The following FARP1 variants were observed in gnomAD, a reference collection of about 807,000 sequenced individuals.
The protein encoded by FARP1 is FERM, ARHGEF and pleckstrin domain-containing protein 1.
A neutral mutation model predicts 128.8 loss-of-function variants in FARP1; 52 were observed. The ratio of observed to expected loss-of-function variants is 0.40; its 90% CI spans 0.32 to 0.51. The LOEUF (loss-of-function observed/expected upper bound fraction) is 0.51. Ranked by LOEUF, FARP1 falls within the 20% of genes least tolerant of loss-of-function variation. The pLI is 0.45. For missense variants in FARP1, 1,333 were observed against 1,367.9 expected (o/e 0.97, Z 0.40); for synonymous variants, 580 against 551.8 (o/e 1.05, Z -0.72).
chr13:98,178,189 ATTTTT>A (rs57310501), intron 1 of FARP1, among the ~76,000 whole-genome samples: 110 of 112,962 alleles, frequency 9.7e-4, no homozygotes, highest in Middle Eastern at 4.6e-3. Context: ...ATCATTTTTA[ATTTTT>A]TTTTTTTTTT....
intron 2 of FARP1, among the ~76,000 whole-genome samples, chr13:98,268,687 C>T (rs1488109303): frequency 2.6e-5 from 4 of 151,766 alleles, no homozygotes; most frequent in Admixed American, 6.6e-5. Flanking sequence ...AGGATGGTCT[C>T]GAACTTCTGA....
rs1320182768 is a variant in FARP1 at position 98,435,695 on chromosome 13, G to A, written c.2263G>A (p.Val755Ile). ...TTTGATTGGCATTGACAATCTTGTGGTTCCGGGAAGGGTAAGCAGCAGTGG... is the reference window on the plus strand; with the variant it reads ...TTTGATTGGCATTGACAATCTTGTGATTCCGGGAAGGGTAAGCAGCAGTGG... Reference protein sequence around the residue: ...KDLIGIDNLVVPGREFIRLGS... With the variant: ...KDLIGIDNLVIPGREFIRLGS... The change falls in exon 19 of 27, where the codon GTT becomes ATT. Residue 755 changes from valine to isoleucine, a missense_variant. Physicochemically the swap from Val to Ile is conservative, Grantham distance 29. Transcript: ENST00000319562. 6.2e-7 allele frequency: 1 copy of A among 1,614,162 alleles called. No homozygotes were observed. Among genetic ancestry groups the A allele is most frequent in the South Asian group, 1.1e-5 (1 of 91,088 alleles).
chr13:98,417,780 G>C (rs1891444639), intron 16 of FARP1, among the ~76,000 whole-genome samples: 1 of 152,156 alleles, frequency 6.6e-6, no homozygotes, highest in South Asian at 2.1e-4. Flanking sequence ...AGATGACTAA[G>C]GTCAGAAAAT....
At chr13:98,384,584 C>T (rs600644) in intron 6 of FARP1, 146 bp from the exon 7 acceptor site, 107,988 of 614,706 alleles carry the variant, frequency 0.18, 10,004 homozygotes, top group East Asian at 0.27. Flanking sequence ...GGCATCCCGT[C>T]TCTGAGATCT....
chr13:98,245,359 G>A (rs1331455124), intron 2 of FARP1: 10 of 985,106 alleles, frequency 1.0e-5, no homozygotes, highest in Non-Finnish European at 1.2e-6. Flanking sequence ...GTTTATGTGA[G>A]AACAGTTGAT....
At chr13:98,184,343 C>T (rs1227722211) in intron 1 of FARP1, among the ~76,000 whole-genome samples, 1 of 152,106 alleles carries the variant, frequency 6.6e-6, no homozygotes, top group Non-Finnish European at 1.5e-5. Flanking sequence ...CTTTCGAACT[C>T]GTGACTTCAG....
intron 1 of FARP1, among the ~76,000 whole-genome samples, chr13:98,197,697 C>T (rs1196536946): frequency 7.3e-5 from 11 of 151,446 alleles, no homozygotes; most frequent in South Asian, 4.2e-4. Context: ...TGCAGTGGCG[C>T]GATCTAGGCT....
intron 1 of FARP1, among the ~76,000 whole-genome samples, chr13:98,160,305 G>A (rs1429758656): frequency 2.0e-5 from 3 of 152,194 alleles, no homozygotes; most frequent in Non-Finnish European, 4.4e-5. Context: ...AGGCGTGATG[G>A]TGGGGCCTGG....
intron 2 of FARP1, among the ~76,000 whole-genome samples, chr13:98,246,649 T>A (rs1883085267): frequency 1.3e-5 from 2 of 152,018 alleles, no homozygotes; most frequent in Admixed American, 1.3e-4. Context: ...AAGCTCAAAG[T>A]TCTTAGTCCT....
At chr13:98,306,543 C>T (rs1886168741) in intron 2 of FARP1, among the ~76,000 whole-genome samples, 1 of 151,484 alleles carries the variant, frequency 6.6e-6, no homozygotes, top group Non-Finnish European at 1.5e-5. Flanking sequence ...GAGAAAGGAT[C>T]TCACTCTGTT....
chr13:98,335,049 T>G (rs1436323795), intron 2 of FARP1, among the ~76,000 whole-genome samples: 1 of 152,228 alleles, frequency 6.6e-6, no homozygotes, highest in Non-Finnish European at 1.5e-5. Context: ...GGGCTACTTC[T>G]AAAAACACAT....
chr13:98,439,996 C>A lies in FARP1; in HGVS notation c.2469C>A (p.His823Gln), dbSNP rs772725739. Residue 823 changes from histidine (H) to glutamine (Q), a missense_variant, in exon 22 of 27, where the codon CAC (histidine) becomes CAA (glutamine). Physicochemically the swap from His to Gln is conservative, Grantham distance 24. This residue lies in a region of FARP1 where 1,009 missense variants were observed against 969.8 expected (regional missense o/e 1.04). Coordinates refer to ENST00000319562, the MANE Select transcript of FARP1 (RefSeq NM_005766.4). ...GCGAAGACGAGTGGGGGGTGCCCCA[C>A]TGCCTGACCCTCCGGGGCCAGCGGC... ...EESEDEWGVPHCLTLRGQRQS... is the reference protein window; with the variant it reads ...EESEDEWGVPQCLTLRGQRQS... 1 of 1,597,942 alleles carries A rather than the reference C, an allele frequency of 6.3e-7. No homozygotes were observed. Among genetic ancestry groups the A allele is most frequent in the South Asian group, 1.1e-5 (1 of 89,470 alleles).
At chr13:98,255,476 G>A (rs529576315) in intron 2 of FARP1, among the ~76,000 whole-genome samples, 7 of 152,066 alleles carry the variant, frequency 4.6e-5, no homozygotes, top group Non-Finnish European at 7.4e-5. Flanking sequence ...ACTCAAGCCC[G>A]GGCAACAGAG....
At chr13:98,260,995 A>G (rs1285288307) in intron 2 of FARP1, among the ~76,000 whole-genome samples, 2 of 152,096 alleles carry the variant, frequency 1.3e-5, no homozygotes, top group Non-Finnish European at 2.9e-5. Context: ...GTTCACATTT[A>G]ATTCTGCTCT....
At chr13:98,159,191 A>G (rs1876696768) in intron 1 of FARP1, among the ~76,000 whole-genome samples, 1 of 152,140 alleles carries the variant, frequency 6.6e-6, no homozygotes. Context: ...GTTTTGTGCT[A>G]TTATCATGCT....
rs1312852467 is a variant in FARP1, at chr13:98,168,189, T to A, written c.-24+24697T>A. Among the ~76,000 whole-genome samples, 5 of 149,958 alleles carry A rather than the reference T, an allele frequency of 3.3e-5. No homozygotes were observed. In the East Asian group the frequency reaches 9.9e-4, roughly 30 times the overall value. ...TCCATCTCAAAAAAAAAAAATAAAA[T>A]AAATAAATAAAAAAGTTTTGGTGCC... On this transcript the variant is annotated intron_variant, in intron 1 of 26. Transcript: ENST00000319562.
At chr13:98,329,082 G>T (rs1281892847) in intron 2 of FARP1, 1 of 152,192 alleles carries the variant, frequency 6.6e-6, no homozygotes, top group African/African-American at 2.4e-5. Flanking sequence ...CCGCCTGCGG[G>T]GTATTGTAGA....
intron 3 of FARP1, among the ~76,000 whole-genome samples, chr13:98,350,483 T>C (rs582231): frequency 0.02 from 3,011 of 152,246 alleles, 107 homozygotes; most frequent in African/African-American, 0.069. Context: ...CCAGTGTCAA[T>C]CCATTATCAT....
At chr13:98,363,225 G>A (rs1888946244) in intron 3 of FARP1, among the ~76,000 whole-genome samples, 1 of 152,158 alleles carries the variant, frequency 6.6e-6, no homozygotes, top group Admixed American at 6.5e-5. Flanking sequence ...CAGCCATGAT[G>A]ATCATCTGGG....
Sources: allele counts gnomAD v4.1 joint callset (sites outside exome capture counted in the v4.1 genomes callset), GRCh38; gene constraint gnomAD v4.1.1; regional missense constraint gnomAD v4.1.1; transcripts MANE v1.5; gene names NCBI Gene and HGNC (gene_info 2026-07-23, HGNC 2026-07-21).